PABPC4L: variants seen among roughly 807,000 people sequenced by gnomAD.
PABPC4L encodes polyadenylate-binding protein 4-like.
For missense variants in PABPC4L, 452 were observed against 451.4 expected, an observed-to-expected ratio of 1.00 and a Z score of -0.01; for synonymous variants, 169 against 164.1, an observed-to-expected ratio of 1.03 and a Z score of -0.23.
the PABPC4L span, among the ~76,000 whole-genome samples, chr4:133,989,623 G>A: frequency 1.6e-4 from 24 of 152,066 alleles, no homozygotes; most frequent in African/African-American, 5.6e-4. Context: ...TCTTTAGGAA[G>A]TTTTGAACTT....
the PABPC4L span, among the ~76,000 whole-genome samples, chr4:134,100,216 G>A: frequency 6.6e-6 from 1 of 151,598 alleles, no homozygotes; most frequent in Admixed American, 6.6e-5. Flanking sequence ...TAAGAGCATC[G>A]AACAACTTTA....
chr4:134,172,305 G>A, the PABPC4L span, among the ~76,000 whole-genome samples: 1 of 151,930 alleles, frequency 6.6e-6, no homozygotes, highest in South Asian at 2.1e-4. Context: ...CATGGTACTG[G>A]TACAAAAACA....
chr4:134,058,824 G>T, the PABPC4L span, among the ~76,000 whole-genome samples: 2 of 151,860 alleles, frequency 1.3e-5, no homozygotes, highest in Non-Finnish European at 2.9e-5. Flanking sequence ...TATAAACCAA[G>T]GAAGACAAAG....
At chr4:134,070,553 G>C in the PABPC4L span, among the ~76,000 whole-genome samples, 5 of 152,124 alleles carry the variant, frequency 3.3e-5, no homozygotes, top group Non-Finnish European at 7.4e-5. Context: ...CATGCCAGCT[G>C]CAGTGTCCCA....
the PABPC4L span, among the ~76,000 whole-genome samples, chr4:134,178,515 G>T: frequency 6.6e-6 from 1 of 151,848 alleles, no homozygotes; most frequent in Non-Finnish European, 1.5e-5. Context: ...GATTGCACTC[G>T]TTCACCAGCA....
chr4:134,011,104 A>G, the PABPC4L span, among the ~76,000 whole-genome samples: 1 of 152,138 alleles, frequency 6.6e-6, no homozygotes, highest in East Asian at 1.9e-4. Flanking sequence ...TGAGTGTTGT[A>G]TACTTTGTTC....
At chr4:133,960,438 C>A in the PABPC4L span, among the ~76,000 whole-genome samples, 1 of 152,160 alleles carries the variant, frequency 6.6e-6, no homozygotes, top group African/African-American at 2.4e-5. Flanking sequence ...GGTCCTCAAG[C>A]AGGCCATTCC....
the PABPC4L span, among the ~76,000 whole-genome samples, chr4:134,018,408 T>C: frequency 6.6e-5 from 10 of 152,244 alleles, no homozygotes; most frequent in South Asian, 2.1e-4. Flanking sequence ...GTTTGTTATA[T>C]AGATAAATTA....
chr4:134,027,826 C>T, the PABPC4L span, among the ~76,000 whole-genome samples: 2 of 152,134 alleles, frequency 1.3e-5, no homozygotes, highest in South Asian at 2.1e-4. Flanking sequence ...TGAATGTCCT[C>T]TTCAGTTGAA....
the PABPC4L span, among the ~76,000 whole-genome samples, chr4:134,107,158 G>T: frequency 6.6e-6 from 1 of 150,776 alleles, no homozygotes; most frequent in African/African-American, 2.4e-5. Context: ...GAGCTAAAAC[G>T]ATTTACCTAC....
At chr4:133,963,278 A>C in the PABPC4L span, among the ~76,000 whole-genome samples, 1 of 152,200 alleles carries the variant, frequency 6.6e-6, no homozygotes, top group South Asian at 2.1e-4. Flanking sequence ...GGTCTTGTCC[A>C]ACAGGAAAAT....
chr4:134,124,433 T>C, the PABPC4L span, among the ~76,000 whole-genome samples: 35 of 152,246 alleles, frequency 2.3e-4, no homozygotes, highest in East Asian at 6.6e-3. Flanking sequence ...TTAAATTTCT[T>C]ATAAACAATA....
At chr4:133,966,310 A>G in the PABPC4L span, among the ~76,000 whole-genome samples, 1 of 152,206 alleles carries the variant, frequency 6.6e-6, no homozygotes, top group Non-Finnish European at 1.5e-5. Flanking sequence ...ATCAAAAAAC[A>G]GTAGATGTTG....
At chr4:134,168,859 C>A in the PABPC4L span, among the ~76,000 whole-genome samples, 13 of 151,922 alleles carry the variant, frequency 8.6e-5, no homozygotes, top group Non-Finnish European at 7.4e-5. Context: ...TAAAATCAAT[C>A]CTACTCAAAA....
the PABPC4L span, among the ~76,000 whole-genome samples, chr4:134,157,264 AGTT>A: frequency 2.0e-5 from 3 of 148,494 alleles, no homozygotes; most frequent in Non-Finnish European, 4.5e-5. Flanking sequence ...GAATGCTCTT[AGTT>A]TTTTTTTTTT....
At chr4:133,966,491 A>T in the PABPC4L span, among the ~76,000 whole-genome samples, 1 of 152,248 alleles carries the variant, frequency 6.6e-6, no homozygotes, top group African/African-American at 2.4e-5. Flanking sequence ...TTACACGTAA[A>T]AGATACTTGC....
the PABPC4L span, among the ~76,000 whole-genome samples, chr4:134,167,990 T>G: frequency 6.6e-6 from 1 of 152,010 alleles, no homozygotes; most frequent in Non-Finnish European, 1.5e-5. Flanking sequence ...AACTTCACAT[T>G]CTTCTCCTCA....
the PABPC4L span, among the ~76,000 whole-genome samples, chr4:134,004,023 G>A: frequency 2.0e-5 from 3 of 151,866 alleles, no homozygotes; most frequent in Non-Finnish European, 4.4e-5. Context: ...CATAAGACAT[G>A]AAACTCCAAA....
the PABPC4L span, among the ~76,000 whole-genome samples, chr4:134,115,804 GA>G: frequency 1.3e-5 from 2 of 151,576 alleles, no homozygotes; most frequent in East Asian, 3.9e-4. Flanking sequence ...TCCACCTTAA[GA>G]AAAAACATCT....
Sources: allele counts gnomAD v4.1 joint callset (sites outside exome capture counted in the v4.1 genomes callset), GRCh38; gene constraint gnomAD v4.1.1; transcripts MANE v1.5; gene names NCBI Gene and HGNC (gene_info 2026-07-23, HGNC 2026-07-21).